ZBTB46: variants seen among roughly 807,000 people sequenced by gnomAD.
ZBTB46 encodes zinc finger and BTB domain containing 46, also known as zinc finger and BTB domain-containing protein 46.
ZBTB46 carries 8 observed loss-of-function variants against 44.1 expected under a neutral mutation model. That is an observed-to-expected ratio of 0.18 (90% CI 0.11 to 0.33). The LOEUF is 0.33. ZBTB46 is among the 10% of genes least tolerant of loss of function. ZBTB46 has a pLI of 1.00. For missense variants in ZBTB46, 651 were observed against 847.7 expected (o/e 0.77, Z 2.88); for synonymous variants, 409 against 382.3 (o/e 1.07, Z -0.81).
rs1324475147 is a variant in ZBTB46 at position 63,744,286 on chromosome 20, GAGTC to G, written c.*2640_*2643del. 6.6e-6 allele frequency: 1 copy of G among 152,148 alleles called. No homozygotes were observed. The highest frequency in any genetic ancestry group is 2.4e-5 in the African/African-American group (1 of 41,422). 9.4% of individuals were successfully genotyped at this position (152,148 alleles called of 1,614,324 possible). On this transcript the variant is annotated 3_prime_UTR_variant, in exon 5 of 5. Transcript: ENST00000245663. The stretch of plus-strand genomic sequence containing the variant: ...TTGGAAGCAGTAAGCTGCGTCTTCT[GAGTC>G]AGTTCCCTACGTAGCCCTGGCAGTG...
At chr20:63,771,593 G>A (rs2092374334) in intron 3 of ZBTB46, among the ~76,000 whole-genome samples, 2 of 151,960 alleles carry the variant, frequency 1.3e-5, no homozygotes, top group South Asian at 2.1e-4. Context: ...CCTCCACCGC[G>A]GCAGCCCCCC....
chr20:63,762,664 ACAAACAAACAAAC>A (rs1391852668), intron 3 of ZBTB46, among the ~76,000 whole-genome samples: 2,538 of 110,152 alleles, frequency 0.023, 83 homozygotes, highest in African/African-American at 0.092. Context: ...AAACAAACAA[ACAAACAAACAAAC>A]AAAAAAAAAA....
At chr20:63,765,462 C>T (rs1250100770) in intron 3 of ZBTB46, among the ~76,000 whole-genome samples, 1 of 152,228 alleles carries the variant, frequency 6.6e-6, no homozygotes, top group African/African-American at 2.4e-5. Flanking sequence ...CAGGGTCTCA[C>T]TCTGTGGCCC....
intron 1 of ZBTB46, among the ~76,000 whole-genome samples, chr20:63,828,879 A>C (rs770220321): frequency 6.6e-6 from 1 of 152,174 alleles, no homozygotes; most frequent in Non-Finnish European, 1.5e-5. Context: ...CCGGGCTAAG[A>C]CCTCTGATGG....
chr20:63,751,312 T>C (rs1243332827), intron 4 of ZBTB46, among the ~76,000 whole-genome samples: 1 of 152,096 alleles, frequency 6.6e-6, no homozygotes, highest in Non-Finnish European at 1.5e-5. Flanking sequence ...CCCAGGACTG[T>C]TCCTTCTCTA....
At chr20:63,798,200 C>T (rs983789982) in intron 1 of ZBTB46, among the ~76,000 whole-genome samples, 4 of 152,130 alleles carry the variant, frequency 2.6e-5, no homozygotes, top group Admixed American at 6.6e-5. Flanking sequence ...GATCCAGTTT[C>T]AGCTTTCTCC....
At chr20:63,777,269 A>G (rs1305069848) in intron 2 of ZBTB46, among the ~76,000 whole-genome samples, 3 of 152,194 alleles carry the variant, frequency 2.0e-5, no homozygotes, top group African/African-American at 7.2e-5. Context: ...CAGGAGTTCA[A>G]GACCAGCCTG....
At chr20:63,798,745 G>A (rs1363635044) in intron 1 of ZBTB46, among the ~76,000 whole-genome samples, 1 of 147,172 alleles carries the variant, frequency 6.8e-6, no homozygotes, top group Admixed American at 6.9e-5. Flanking sequence ...TAAGGAGGCT[G>A]AGGTGGGAGA....
chr20:63,809,908 G>A (rs11700177), intron 1 of ZBTB46, among the ~76,000 whole-genome samples: 11,599 of 151,046 alleles, frequency 0.077, 893 homozygotes, highest in East Asian at 0.44. Context: ...GTTGGAGTGA[G>A]CCAAGATGGC....
chr20:63,759,877 C>T (rs1369007605), intron 3 of ZBTB46, among the ~76,000 whole-genome samples: 1 of 152,104 alleles, frequency 6.6e-6, no homozygotes, highest in African/African-American at 2.4e-5. Flanking sequence ...AAAAGTGTTT[C>T]CTGCATTTAT....
intron 1 of ZBTB46, among the ~76,000 whole-genome samples, chr20:63,818,521 C>A (rs2092772968): frequency 6.6e-6 from 1 of 152,156 alleles, no homozygotes; most frequent in Admixed American, 6.5e-5. Flanking sequence ...GGGCACTCGC[C>A]ATCTCTCCTG....
rs1423266613 is a variant in ZBTB46, at chr20:63,803,867, G to C, written c.-33-13077C>G. Among the ~76,000 whole-genome samples the C allele has an allele frequency of 6.6e-6, 1 of 152,096 alleles. No homozygotes were observed. The highest frequency in any genetic ancestry group is 2.1e-4 in the South Asian group (1 of 4,824). On this transcript the variant is annotated intron_variant, in intron 1 of 4. Coordinates refer to ENST00000245663, the MANE Select transcript of ZBTB46 (RefSeq NM_001369741.1). This position sits in a 1 kb window ranked among gnomAD's most constrained non-coding sequence, Gnocchi z 4.0. ...GGACCACAGGGGCACGCCACCACAC[G>C]GGCTAATTTTTTTGTTTTGTAGAGA...
At chr20:63,816,328 A>G in intron 1 of ZBTB46, 1 of 140,704 alleles carries the variant, frequency 7.1e-6, no homozygotes, top group Non-Finnish European at 1.4e-5. Flanking sequence ...CTCCCTCCCC[A>G]CCCACCCCGT....
chr20:63,754,215 C>G (rs1008828295), intron 3 of ZBTB46, among the ~76,000 whole-genome samples: 1 of 152,218 alleles, frequency 6.6e-6, no homozygotes, highest in Non-Finnish European at 1.5e-5. Flanking sequence ...TGGCTCCTGA[C>G]GAGGAAATCC....
Position 63,787,656 on chromosome 20 carries a change from C to G in ZBTB46, c.937+2165G>C, listed in dbSNP as rs2092526638. ...TTTGTGACGGGCGCTCCATGACGCTCCCAGAGCAACAGAATCGCCTAGCGA... is the reference window on the plus strand; with the variant it reads ...TTTGTGACGGGCGCTCCATGACGCTGCCAGAGCAACAGAATCGCCTAGCGA... On this transcript the variant is annotated intron_variant, in intron 2 of 4. Coordinates refer to ENST00000245663, the MANE Select transcript of ZBTB46 (RefSeq NM_001369741.1). This position sits in a 1 kb window ranked among gnomAD's most constrained non-coding sequence, Gnocchi z 4.6. The G allele has an allele frequency of 6.6e-6, 1 of 152,240 alleles. No individual in the cohort carries two copies. The highest frequency in any genetic ancestry group is 1.5e-5 in the Non-Finnish European group (1 of 68,056). The allele number at this position is 152,240 out of a possible 1,614,324, so 9.4% of individuals were successfully genotyped here.
intron 2 of ZBTB46, among the ~76,000 whole-genome samples, chr20:63,781,911 T>C (rs2092473047): frequency 1.3e-5 from 2 of 150,856 alleles, no homozygotes; most frequent in South Asian, 2.1e-4. Flanking sequence ...CGGTGAAACC[T>C]CGTCTCTACT....
chr20:63,815,710 G>T (rs117861539), intron 1 of ZBTB46, among the ~76,000 whole-genome samples: 5,580 of 150,268 alleles, frequency 0.037, 133 homozygotes, highest in Non-Finnish European at 0.057. Context: ...GGTGGGCGCA[G>T]GTCGAGTGGG....
chr20:63,830,219 G>A (rs8118848), intron 1 of ZBTB46, among the ~76,000 whole-genome samples: 33,797 of 152,140 alleles, frequency 0.22, 3,866 homozygotes, highest in Middle Eastern at 0.31. Context: ...CTGTCAGCGG[G>A]GCCAGGGGAA....
chr20:63,747,543 G>T lies in ZBTB46; in HGVS notation c.1399-242C>A, dbSNP rs2092115306. 3.5e-5 allele frequency among the ~76,000 whole-genome samples: 4 copies of T among 114,360 alleles called. No individual in the cohort carries two copies. The South Asian group carries it at 1.4e-3, about 39-fold the overall frequency. 75.0% of individuals were successfully genotyped at this position (114,360 alleles called of 152,430 possible). A position where few individuals can be genotyped will look rare whatever the true frequency, so the allele number is the denominator to read the frequency against. On this transcript the variant is annotated intron_variant, in intron 4 of 4. Coordinates refer to ENST00000245663, the MANE Select transcript of ZBTB46 (RefSeq NM_001369741.1). The stretch of plus-strand genomic sequence containing the variant: ...TGAGCAGGGCCTGGTGGGTGGGGGG[G>T]GTGCGGGGGTGAGCAGGGCCCGGTT...
Sources: gnomAD v4.1 joint callset for allele counts (sites outside exome capture counted in the v4.1 genomes callset) on GRCh38, gnomAD v4.1.1 for gene constraint, Gnocchi (gnomAD v3.1) non-coding constraint, MANE v1.5 for transcripts, NCBI Gene and HGNC (gene_info 2026-07-23, HGNC 2026-07-21) for gene names.